Variants in ADGRB3 observed in about 807,000 individuals in gnomAD.
ADGRB3 encodes the protein adhesion G protein-coupled receptor B3, also known as brain-specific angiogenesis inhibitor 3.
Under a neutral mutation model 193.4 loss-of-function variants are expected in ADGRB3, and 37 were observed. The ratio of observed to expected loss-of-function variants is 0.19; its 90% CI spans 0.15 to 0.25. The LOEUF (loss-of-function observed/expected upper bound fraction) is 0.25, where lower values mean the gene tolerates loss of function less well. Ranked by LOEUF, ADGRB3 falls within the 10% of genes least tolerant of loss-of-function variation. ADGRB3 has a pLI of 1.00. For missense variants in ADGRB3, 1,637 were observed against 1,852.9 expected (o/e 0.88, Z 2.14); for synonymous variants, 690 against 644.2 (o/e 1.07, Z -1.08).
intron 17 of ADGRB3, among the ~76,000 whole-genome samples, chr6:69,127,906 G>GTT (rs747033936): frequency 4.2e-5 from 6 of 142,442 alleles, no homozygotes; most frequent in Non-Finnish European, 4.6e-5. Context: ...TTTTTTTTTT[G>GTT]TTTTTTTTTT....
At chr6:69,082,730 A>T (rs1294373885) in intron 17 of ADGRB3, among the ~76,000 whole-genome samples, 1 of 152,080 alleles carries the variant, frequency 6.6e-6, no homozygotes, top group Non-Finnish European at 1.5e-5. Flanking sequence ...TCTGTGGCTG[A>T]CATGTCTTAT....
At chr6:69,009,790 C>T (rs1375976716) in intron 11 of ADGRB3, among the ~76,000 whole-genome samples, 4 of 152,186 alleles carry the variant, frequency 2.6e-5, no homozygotes, top group Admixed American at 2.0e-4. Context: ...CCTTGATGTC[C>T]AACCACTTTG....
intron 13 of ADGRB3, among the ~76,000 whole-genome samples, chr6:69,027,910 C>T (rs1770485019): frequency 1.3e-5 from 2 of 152,192 alleles, no homozygotes; most frequent in Admixed American, 6.5e-5. Context: ...CAAAAATTTA[C>T]TTTGGCAGCT....
intron 3 of ADGRB3, among the ~76,000 whole-genome samples, chr6:68,685,290 A>G (rs968639616): frequency 2.0e-5 from 3 of 152,168 alleles, no homozygotes; most frequent in Non-Finnish European, 4.4e-5. Flanking sequence ...ATTGTCCTGA[A>G]TTAAATGTAA....
chr6:69,330,964 C>A (rs1046801266), intron 23 of ADGRB3, among the ~76,000 whole-genome samples: 1 of 152,070 alleles, frequency 6.6e-6, no homozygotes, highest in Non-Finnish European at 1.5e-5. Context: ...TTTAATGCTG[C>A]CCCTATCAAA....
chr6:69,156,886 C>T (rs1194919540), intron 17 of ADGRB3, among the ~76,000 whole-genome samples: 1 of 152,100 alleles, frequency 6.6e-6, no homozygotes, highest in African/African-American at 2.4e-5. Context: ...TGTTGGGTAA[C>T]ACAGCTCACA....
At chr6:68,907,492 TC>T (rs1766580872) in intron 3 of ADGRB3, among the ~76,000 whole-genome samples, 2 of 151,978 alleles carry the variant, frequency 1.3e-5, no homozygotes, top group African/African-American at 4.8e-5. Context: ...TAGAGTTTCA[TC>T]ACTAAATTTG....
chr6:69,204,736 T>C (rs1292395865), intron 17 of ADGRB3, among the ~76,000 whole-genome samples: 1 of 152,214 alleles, frequency 6.6e-6, no homozygotes, highest in Non-Finnish European at 1.5e-5. Flanking sequence ...TTGCCACCGT[T>C]AATTGTTGGG....
intron 29 of ADGRB3, among the ~76,000 whole-genome samples, chr6:69,368,745 A>AATT (rs1425621033): frequency 1.3e-5 from 2 of 152,078 alleles, no homozygotes; most frequent in African/African-American, 4.8e-5. Context: ...TTCATGAGAA[A>AATT]ATTATTAACT....
chr6:68,912,530 C>T (rs746941653), intron 3 of ADGRB3, among the ~76,000 whole-genome samples: 2 of 152,038 alleles, frequency 1.3e-5, no homozygotes, highest in Non-Finnish European at 1.5e-5. Context: ...CCCTCCACCC[C>T]ACAACAGTCC....
chr6:68,813,763 G>A lies in ADGRB3; in HGVS notation c.758-116796G>A, dbSNP rs1265105564. ...GATGTTCCCCTTCCTGTGTCCATGT[G>A]TTCTCATTGTTCGATTCCCACCTGT... On this transcript the variant is annotated intron_variant, in intron 3 of 31. Coordinates refer to ENST00000370598, the MANE Select transcript of ADGRB3 (RefSeq NM_001704.3). Among the ~76,000 whole-genome samples, 4 of 152,010 alleles carry A rather than the reference G, an allele frequency of 2.6e-5. No individual in the cohort carries two copies. In the South Asian group the frequency reaches 8.3e-4, roughly 32 times the overall value.
intron 3 of ADGRB3, among the ~76,000 whole-genome samples, chr6:68,802,464 G>T (rs1767330752): frequency 6.6e-6 from 1 of 151,906 alleles, no homozygotes; most frequent in African/African-American, 2.4e-5. Flanking sequence ...CAATAGTTTT[G>T]ACTACACCTG....
chr6:69,077,128 A>ACTTAACT, intron 17 of ADGRB3, among the ~76,000 whole-genome samples: 1 of 152,018 alleles, frequency 6.6e-6, no homozygotes, highest in Non-Finnish European at 1.5e-5. Flanking sequence ...AAGTACAGAG[A>ACTTAACT]ATTCCAACTT....
chr6:68,709,708 A>G (rs1289888503), intron 3 of ADGRB3, among the ~76,000 whole-genome samples: 2 of 152,200 alleles, frequency 1.3e-5, no homozygotes, highest in East Asian at 3.9e-4. Flanking sequence ...CATTTCCATC[A>G]AGGACATAGC....
chr6:69,092,177 T>G (rs182551261), intron 17 of ADGRB3, among the ~76,000 whole-genome samples: 79 of 152,314 alleles, frequency 5.2e-4, no homozygotes, highest in Non-Finnish European at 9.6e-4. Context: ...CTATTTAAAT[T>G]TTGTCATGAT....
intron 20 of ADGRB3, among the ~76,000 whole-genome samples, chr6:69,300,088 T>C (rs757860399): frequency 2.6e-5 from 4 of 151,812 alleles, no homozygotes. Flanking sequence ...ACTAGTGAAC[T>C]GAATTCAACA....
intron 24 of ADGRB3, among the ~76,000 whole-genome samples, chr6:69,335,638 AAAG>A (rs1255111727): frequency 6.6e-6 from 1 of 152,120 alleles, no homozygotes; most frequent in Non-Finnish European, 1.5e-5. Context: ...AGTTCACAGA[AAAG>A]TAGTGAGGAC....
chr6:68,699,357 C>A (rs1453074178), intron 3 of ADGRB3, among the ~76,000 whole-genome samples: 2 of 152,002 alleles, frequency 1.3e-5, no homozygotes, highest in Non-Finnish European at 2.9e-5. Context: ...TTTCAGAGAT[C>A]AGTATTTCAA....
Position 68,943,992 on chromosome 6 carries a change from C to T in ADGRB3, c.1193C>T (p.Pro398Leu), listed in dbSNP as rs765014024. 1 of 1,598,786 alleles carries T rather than the reference C, an allele frequency of 6.3e-7. No homozygotes were observed. Among genetic ancestry groups the T allele is most frequent in the Non-Finnish European group, 8.5e-7 (1 of 1,169,680 alleles). The change falls in exon 6 of 32, where the codon CCA becomes CTA. Residue 398 changes from proline (P) to leucine (L), a missense_variant and splice_region_variant. By Grantham distance (98) the Pro-to-Leu change is moderately conservative. Coordinates refer to ENST00000370598, the MANE Select transcript of ADGRB3 (RefSeq NM_001704.3). ...AAGCCTTGTAATATTGCTCTTTGCCCAGGTGAGCCTATTCTGCATTTGGTT... is the reference window on the plus strand; with the variant it reads ...AAGCCTTGTAATATTGCTCTTTGCCTAGGTGAGCCTATTCTGCATTTGGTT... ...HHKPCNIALC[P>L]VDGQWQEWSS...
Sources: allele counts gnomAD v4.1 joint callset (sites outside exome capture counted in the v4.1 genomes callset), GRCh38; gene constraint gnomAD v4.1.1; transcripts MANE v1.5; gene names NCBI Gene and HGNC (gene_info 2026-07-23, HGNC 2026-07-21).